Variants in CLSPN observed in about 807,000 individuals in gnomAD.
CLSPN encodes claspin.
CLSPN carries 85 observed loss-of-function variants against 156.3 expected under a neutral mutation model. That is an observed-to-expected ratio of 0.54 (90% CI 0.46 to 0.65). The LOEUF (loss-of-function observed/expected upper bound fraction) is 0.65. Ranked by LOEUF, CLSPN falls within the 30% of genes least tolerant of loss-of-function variation. The probability of loss-of-function intolerance (pLI) is 0.00; values close to 1 mark genes in which losing one functional copy is unlikely to be tolerated. For synonymous variants in CLSPN, 534 were observed against 542.4 expected (o/e 0.98, Z 0.22); for missense variants, 1,407 against 1,554.9 (o/e 0.90, Z 1.60).
In CLSPN at chr1:35,763,264, G is replaced by C. The variant is rs1642548425; in HGVS notation, c.640C>G (p.Leu214Val). The stretch of plus-strand genomic sequence containing the variant: ...TCATCCTCCAACCCAGTTTCAAAAA[G>C]GTCTTTATCCACAAGAAGACAGCCA... ...DSGCLLVDKDLFETGLEDENN... is the reference protein window; with the variant it reads ...DSGCLLVDKDVFETGLEDENN... Residue 214 changes from leucine to valine, a missense_variant, in exon 4 of 25, where the codon CTT becomes GTT. Physicochemically the swap from Leu to Val is conservative, Grantham distance 32. Around this residue, in one of 3 missense-constraint regions of CLSPN, gnomAD observed 1,096 missense variants for 1,193.0 expected, o/e 0.92. Coordinates refer to ENST00000318121, the MANE Select transcript of CLSPN (RefSeq NM_022111.4). 6.2e-7 allele frequency: 1 copy of C among 1,607,260 alleles called. No individual in the cohort carries two copies. The highest frequency in any genetic ancestry group is 8.5e-7 in the Non-Finnish European group (1 of 1,177,912).
intron 18 of CLSPN, among the ~76,000 whole-genome samples, chr1:35,741,969 G>A (rs375523580): frequency 1.4e-5 from 1 of 71,498 alleles, no homozygotes; most frequent in East Asian, 4.4e-4. Flanking sequence ...GCGAGACTCC[G>A]TCTCAAAAAA....
intron 8 of CLSPN, among the ~76,000 whole-genome samples, chr1:35,755,840 C>G (rs1165287654): frequency 6.6e-6 from 1 of 152,194 alleles, no homozygotes; most frequent in African/African-American, 2.4e-5. Flanking sequence ...TCCCAAGTAG[C>G]TAGGACTACA....
chr1:35,764,982 C>CT (rs1475345606), intron 2 of CLSPN, among the ~76,000 whole-genome samples: 2 of 152,072 alleles, frequency 1.3e-5, no homozygotes, highest in East Asian at 1.9e-4. Flanking sequence ...GTTAAAATTC[C>CT]TTTTATTATA....
At chr1:35,728,151 T>C (rs1641236696), downstream of CLSPN, among the ~76,000 whole-genome samples, 1 of 151,752 alleles carries the variant, frequency 6.6e-6, no homozygotes. Flanking sequence ...TGCTGCAGTT[T>C]TGGCTCATTG....
chr1:35,764,398 A>C lies in CLSPN; in HGVS notation c.450T>G (p.Ser150Arg), dbSNP rs200989800. The C allele has an allele frequency of 9.3e-6, 15 of 1,613,040 alleles. No individual in the cohort carries two copies. In the East Asian group the frequency reaches 3.3e-4, roughly 36 times the overall value. ...NSTDFTTDRKSSKKHIHDKEG... is the reference protein window; with the variant it reads ...NSTDFTTDRKRSKKHIHDKEG... ...CTTTATCATGTATGTGCTTTTTGGA[A>C]CTCTTTCTGTCAGTGGTAAAGTCTG... Residue 150 changes from serine (S) to arginine (R), a missense_variant, in exon 3 of 25, where the codon AGT (serine) becomes AGG (arginine). Ser to Arg is a moderately radical substitution (Grantham distance 110, BLOSUM62 -1). This residue lies in a region of CLSPN where 1,096 missense variants were observed against 1,193.0 expected (regional missense o/e 0.92). Transcript: ENST00000318121.
rs375328292 is a variant in CLSPN at position 35,736,033 on chromosome 1, C to T, written c.*463G>A. 6.9e-5 allele frequency: 48 copies of T among 698,526 alleles called. 2 individuals are homozygous for T. The East Asian group carries it at 1.5e-3, about 22-fold the overall frequency. The allele number at this position is 698,526 out of a possible 1,614,324, so 43.3% of individuals were successfully genotyped here. A position where few individuals can be genotyped will look rare whatever the true frequency, so the allele number is the denominator to read the frequency against. On this transcript the variant is annotated 3_prime_UTR_variant, in exon 25 of 25. Coordinates refer to ENST00000318121, the MANE Select transcript of CLSPN (RefSeq NM_022111.4). The stretch of plus-strand genomic sequence containing the variant: ...AGGAGTTCAAGACCAGCCTGGCCAA[C>T]ATGGTGAAACCCCGTCTCTACTAAA...
chr1:35,766,776 C>T (rs1177792353), intron 1 of CLSPN, among the ~76,000 whole-genome samples: 2 of 149,598 alleles, frequency 1.3e-5, no homozygotes, highest in African/African-American at 2.5e-5. Flanking sequence ...TTTTTTGAGA[C>T]GGAGTTTCGC....
intron 20 of CLSPN, 140 bp from the exon 21 acceptor site, chr1:35,738,722 A>AG: frequency 1.3e-6 from 1 of 783,192 alleles, no homozygotes; most frequent in South Asian, 1.9e-5. Context: ...AGTTACAACT[A>AG]GGTCTTCACA....
intron 3 of CLSPN, among the ~76,000 whole-genome samples, chr1:35,764,053 G>A (rs1642581031): frequency 6.6e-6 from 1 of 152,074 alleles, no homozygotes; most frequent in African/African-American, 2.4e-5. Flanking sequence ...TCTGGCCTCA[G>A]CCTCCCAAAG....
At chr1:35,769,750 C>T (rs967190647) in intron 1 of CLSPN, 97 bp downstream of exon 1, 7 of 1,230,694 alleles carry the variant, frequency 5.7e-6, no homozygotes, top group Non-Finnish European at 7.6e-6. Flanking sequence ...GTCCTCCCGC[C>T]CGGGCGCCTC....
In CLSPN at chr1:35,735,102, T is replaced by C. The variant is rs2148611245; in HGVS notation, c.*1394A>G. ...GAATGCAATAAATAAGGGTTATGTT[T>C]CTTCTTGTCAGACCCAGAAGGGAGA... On this transcript the variant is annotated 3_prime_UTR_variant, in exon 25 of 25. Transcript: ENST00000318121. The C allele has an allele frequency of 1.0e-6, 1 of 985,464 alleles. No individual in the cohort carries two copies. Among genetic ancestry groups the C allele is most frequent in the Admixed American group, 6.1e-5 (1 of 16,292 alleles). The allele number at this position is 985,464 out of a possible 1,614,324, so 61.0% of individuals were successfully genotyped here. A position where few individuals can be genotyped will look rare whatever the true frequency, so the allele number is the denominator to read the frequency against.
chr1:35,757,145 T>C (rs1032859991), intron 8 of CLSPN, among the ~76,000 whole-genome samples: 32 of 152,310 alleles, frequency 2.1e-4, no homozygotes, highest in Middle Eastern at 3.4e-3. Flanking sequence ...CCCTGACTTC[T>C]AGGCTCCAAG....
Position 35,764,396 on chromosome 1 carries a change from G to T in CLSPN, c.452C>A (p.Ser151Tyr). Residue 151 changes from serine to tyrosine, a missense_variant, in exon 3 of 25, where the codon TCC becomes TAC. Ser to Tyr is a moderately radical substitution (Grantham distance 144). Transcript: ENST00000318121. Reference protein sequence around the residue: ...STDFTTDRKSSKKHIHDKEGT... With the variant: ...STDFTTDRKSYKKHIHDKEGT... The stretch of plus-strand genomic sequence containing the variant: ...TTCTTTATCATGTATGTGCTTTTTG[G>T]AACTCTTTCTGTCAGTGGTAAAGTC... 6.2e-7 allele frequency: 1 copy of T among 1,612,950 alleles called. No homozygotes were observed. Among genetic ancestry groups the T allele is most frequent in the South Asian group, 1.1e-5 (1 of 90,866 alleles).
chr1:35,732,971 C>CTTT lies in CLSPN; in HGVS notation c.*3522_*3524dup. On this transcript the variant is annotated 3_prime_UTR_variant, in exon 25 of 25. Coordinates refer to ENST00000318121, the MANE Select transcript of CLSPN (RefSeq NM_022111.4). ...CAATCAGAAACCATTTTCTTTCTTT[C>CTTT]TTTTTTTTTTTGAGAGGGAGTCTCA... 1.3e-6 allele frequency: 1 copy of CTTT among 773,528 alleles called. No homozygotes were observed. Among genetic ancestry groups the CTTT allele is most frequent in the Non-Finnish European group, 1.6e-6 (1 of 638,814 alleles). The allele number at this position is 773,528 out of a possible 1,614,324, so 47.9% of individuals were successfully genotyped here.
chr1:35,733,912 C>A lies in CLSPN; in HGVS notation c.*2584G>T, dbSNP rs1270586768. On this transcript the variant is annotated 3_prime_UTR_variant, in exon 25 of 25. Coordinates refer to ENST00000318121, the MANE Select transcript of CLSPN (RefSeq NM_022111.4). ...AGGAGGATGCTGAAGCCCAGGAGTT[C>A]AAGGGTACAGTGAGCTATGATTGTG... is the stretch of plus-strand genomic sequence containing the variant. The A allele has an allele frequency of 6.4e-6, 5 of 785,812 alleles. No individual in the cohort carries two copies. The highest frequency in any genetic ancestry group is 7.7e-6 in the Non-Finnish European group (5 of 647,990). The allele number at this position is 785,812 out of a possible 1,614,324, so 48.7% of individuals were successfully genotyped here. A position where few individuals can be genotyped will look rare whatever the true frequency, so the allele number is the denominator to read the frequency against.
At chr1:35,750,218 C>T (rs895953019) in intron 10 of CLSPN, among the ~76,000 whole-genome samples, 2 of 152,022 alleles carry the variant, frequency 1.3e-5, no homozygotes, top group Non-Finnish European at 2.9e-5. Flanking sequence ...AGTTGCTGGG[C>T]ATGGTGGCTC....
rs115067644 is a variant in CLSPN, at chr1:35,738,075, G to A, written c.3581C>T (p.Ala1194Val). Residue 1194 changes from alanine to valine, a missense_variant, in exon 22 of 25, where the codon GCT (alanine) becomes GTT (valine). Coordinates refer to ENST00000318121, the MANE Select transcript of CLSPN (RefSeq NM_022111.4). ...CTCCCCAATTTCTTCTTCTTCTTCA[G>A]CTGTAATTTTCCCCTGCTGTGCCTG... ...RDMAQQGKIT[A>V]EEEEEIGEDS... is the part of the protein sequence containing the mutation. 2 of 1,406,778 alleles carry A rather than the reference G, an allele frequency of 1.4e-6. No homozygotes were observed. The highest frequency in any genetic ancestry group is 9.4e-7 in the Non-Finnish European group (1 of 1,064,930). 87.1% of individuals were successfully genotyped at this position (1,406,778 alleles called of 1,614,324 possible). A position where few individuals can be genotyped will look rare whatever the true frequency, so the allele number is the denominator to read the frequency against.
intron 8 of CLSPN, among the ~76,000 whole-genome samples, chr1:35,758,801 C>CTTTTTTTTTT (rs34271691): frequency 7.2e-6 from 1 of 138,310 alleles, no homozygotes; most frequent in Non-Finnish European, 1.5e-5. Flanking sequence ...TTTTCTTTTT[C>CTTTTTTTTTT]TTTTTTTTTT....
intron 16 of CLSPN, among the ~76,000 whole-genome samples, chr1:35,744,859 G>C (rs1557507244): frequency 6.6e-6 from 1 of 152,082 alleles, no homozygotes; most frequent in Non-Finnish European, 1.5e-5. Flanking sequence ...TGTTGCCCAG[G>C]TTGGAGTGCA....
Sources: allele counts gnomAD v4.1 joint callset (sites outside exome capture counted in the v4.1 genomes callset), GRCh38; gene constraint gnomAD v4.1.1; regional missense constraint gnomAD v4.1.1; transcripts MANE v1.5; gene names NCBI Gene and HGNC (gene_info 2026-07-23, HGNC 2026-07-21).